Variants in PDE4B observed in about 807,000 individuals in gnomAD.
PDE4B encodes the protein phosphodiesterase 4B.
In PDE4B, 20 loss-of-function variants were observed where a neutral mutation model predicts 82.2. That is an observed-to-expected ratio of 0.24 (90% CI 0.17 to 0.35). The LOEUF (loss-of-function observed/expected upper bound fraction) is 0.35. PDE4B is among the 10% of genes least tolerant of loss of function. The pLI is 1.00. For missense variants in PDE4B, 655 were observed against 907.2 expected, an observed-to-expected ratio of 0.72 and a Z score of 3.57; for synonymous variants, 320 against 318.9, an observed-to-expected ratio of 1.00 and a Z score of -0.04.
intron 3 of PDE4B, among the ~76,000 whole-genome samples, chr1:65,928,411 C>G (rs1173205216): frequency 6.6e-6 from 1 of 152,216 alleles, no homozygotes; most frequent in African/African-American, 2.4e-5. Flanking sequence ...TGCCATAACT[C>G]TACACGAGTC....
rs368529468 is a variant in PDE4B at position 66,096,131 on chromosome 1, A to G, written c.282-151329A>G. On this transcript the variant is annotated intron_variant, in intron 3 of 16. Coordinates refer to ENST00000341517, the MANE Select transcript of PDE4B (RefSeq NM_002600.4). ...TTTGACTTATTTCCCCTATCTAGCT[A>G]TAATTTTGTATCCTTTAAAAAATCT... 7.9e-5 allele frequency among the ~76,000 whole-genome samples: 12 copies of G among 151,874 alleles called. No individual in the cohort carries two copies. The East Asian group carries it at 9.7e-4, about 12-fold the overall frequency.
intron 3 of PDE4B, among the ~76,000 whole-genome samples, chr1:66,154,160 G>C (rs950976841): frequency 2.0e-5 from 3 of 152,058 alleles, no homozygotes; most frequent in African/African-American, 7.2e-5. Context: ...ATAGCACCTC[G>C]TGCCTGTTAC....
chr1:65,974,649 G>A (rs1650317158), intron 3 of PDE4B, among the ~76,000 whole-genome samples: 1 of 152,152 alleles, frequency 6.6e-6, no homozygotes, highest in Non-Finnish European at 1.5e-5. Context: ...AATGAATCAT[G>A]GGGGTGGAAT....
At chr1:65,821,281 G>A (rs1444902757) in intron 1 of PDE4B, among the ~76,000 whole-genome samples, 1 of 152,226 alleles carries the variant, frequency 6.6e-6, no homozygotes. Context: ...AATTGCCATA[G>A]CAACAGTTAT....
intron 1 of PDE4B, among the ~76,000 whole-genome samples, chr1:65,842,862 A>C (rs1471684879): frequency 2.6e-5 from 4 of 152,176 alleles, no homozygotes; most frequent in Non-Finnish European, 4.4e-5. Flanking sequence ...CTGAATCTTC[A>C]CAGAAGAGAC....
At chr1:66,283,354 T>C (rs1035512599) in intron 7 of PDE4B, among the ~76,000 whole-genome samples, 5 of 140,040 alleles carry the variant, frequency 3.6e-5, no homozygotes, top group East Asian at 6.7e-4. Flanking sequence ...TTGTTACTAT[T>C]ATATATATAT....
intron 3 of PDE4B, among the ~76,000 whole-genome samples, chr1:65,954,886 A>T (rs1034094665): frequency 2.9e-4 from 44 of 152,128 alleles, no homozygotes; most frequent in Non-Finnish European, 6.0e-4. Flanking sequence ...TCAATTTAGA[A>T]AAAAGTGTTC....
chr1:65,961,537 C>A (rs768207572), intron 3 of PDE4B, among the ~76,000 whole-genome samples: 14 of 152,066 alleles, frequency 9.2e-5, no homozygotes, highest in Non-Finnish European at 2.1e-4. Context: ...TTGCCATGTG[C>A]TATATTTGTC....
intron 7 of PDE4B, among the ~76,000 whole-genome samples, chr1:66,312,592 C>T (rs4655834): frequency 0.62 from 94,856 of 152,068 alleles, 29,825 homozygotes; most frequent in East Asian, 0.83. Flanking sequence ...TGTTACCTCA[C>T]TAGCAAACTT....
At chr1:66,332,409 C>T in intron 7 of PDE4B, 99 bp from the exon 8 acceptor site, 3 of 1,614,072 alleles carry the variant, frequency 1.9e-6, no homozygotes, top group Non-Finnish European at 2.5e-6. Flanking sequence ...CACGGGGGCA[C>T]CTTCAGTAGC....
At chr1:66,113,806 C>T (rs1032666666) in intron 3 of PDE4B, among the ~76,000 whole-genome samples, 2 of 152,066 alleles carry the variant, frequency 1.3e-5, no homozygotes, top group Non-Finnish European at 2.9e-5. Flanking sequence ...AAAGAAAAGA[C>T]GTCATAAATT....
chr1:65,969,081 GT>G (rs1649997830), intron 3 of PDE4B, among the ~76,000 whole-genome samples: 1 of 152,128 alleles, frequency 6.6e-6, no homozygotes, highest in Non-Finnish European at 1.5e-5. Context: ...GGGTGTATAA[GT>G]CAGGATAAGC....
intron 1 of PDE4B, among the ~76,000 whole-genome samples, chr1:65,877,600 G>GC (rs1241814558): frequency 6.6e-6 from 1 of 150,906 alleles, no homozygotes; most frequent in African/African-American, 2.4e-5. Flanking sequence ...GGGCGATAGA[G>GC]CAAGACTCTG....
chr1:65,818,085 C>T lies in PDE4B; in HGVS notation c.-71+24837C>T, dbSNP rs186110185. Among the ~76,000 whole-genome samples the T allele has an allele frequency of 2.5e-3, 384 of 152,278 alleles. 2 individuals carry two copies. The highest frequency in any genetic ancestry group is 8.9e-3 in the African/African-American group (371 of 41,560). ...TGTCTAATTTAGAATCCTTCAGCAG[C>T]CTTCTAATTATTCCCTGCTCTAACC... On this transcript the variant is annotated intron_variant, in intron 1 of 16. Coordinates refer to ENST00000341517, the MANE Select transcript of PDE4B (RefSeq NM_002600.4).
chr1:66,156,533 A>G (rs1024926022), intron 3 of PDE4B, among the ~76,000 whole-genome samples: 1 of 152,104 alleles, frequency 6.6e-6, no homozygotes, highest in Non-Finnish European at 1.5e-5. Context: ...TTGGACCATT[A>G]TCTTCACTGG....
At chr1:66,317,537 G>C (rs1184625279) in intron 7 of PDE4B, among the ~76,000 whole-genome samples, 1 of 151,998 alleles carries the variant, frequency 6.6e-6, no homozygotes, top group Non-Finnish European at 1.5e-5. Context: ...TGAATGGTCA[G>C]TCCCACTGAA....
chr1:66,283,096 A>G (rs1050249367), intron 7 of PDE4B, among the ~76,000 whole-genome samples: 1 of 152,128 alleles, frequency 6.6e-6, no homozygotes, highest in African/African-American at 2.4e-5. Context: ...ATGGTGCCTG[A>G]CCTAAGCTTA....
chr1:65,887,224 T>TTC, intron 1 of PDE4B, among the ~76,000 whole-genome samples: 1 of 22,366 alleles, frequency 4.5e-5, no homozygotes, highest in Non-Finnish European at 7.8e-5. Context: ...CTTTCTTTCT[T>TTC]TCTTTCTTTC....
intron 1 of PDE4B, among the ~76,000 whole-genome samples, chr1:65,905,991 T>C (rs1275846585): frequency 2.0e-5 from 3 of 152,116 alleles, no homozygotes; most frequent in African/African-American, 7.2e-5. Context: ...GATGTTGTTG[T>C]TGAGAAATCA....
Sources: allele counts gnomAD v4.1 joint callset (sites outside exome capture counted in the v4.1 genomes callset), GRCh38; gene constraint gnomAD v4.1.1; transcripts MANE v1.5; gene names NCBI Gene and HGNC (gene_info 2026-07-23, HGNC 2026-07-21).